Variants in DOCK8 observed in about 807,000 individuals in gnomAD.
The protein encoded by DOCK8 is dedicator of cytokinesis protein 8.
Under a neutral mutation model 245.6 loss-of-function variants are expected in DOCK8, and 141 were observed. That is an observed-to-expected ratio of 0.57 (90% confidence interval 0.50 to 0.66). DOCK8 has a LOEUF of 0.66. DOCK8 is among the 30% of genes least tolerant of loss of function. The pLI, the probability that DOCK8 is intolerant of heterozygous loss-of-function variation, is 0.00. For synonymous variants in DOCK8, 1,168 were observed against 970.2 expected (o/e 1.20, Z -3.79); for missense variants, 2,965 against 2,603.4 (o/e 1.14, Z -3.02).
intron 1 of DOCK8, among the ~76,000 whole-genome samples, chr9:239,225 G>A (rs931393929): frequency 6.6e-5 from 10 of 152,116 alleles, no homozygotes; most frequent in African/African-American, 1.9e-4. Flanking sequence ...GCACACACAC[G>A]TGCATGCACA....
At position 429,869 on chromosome 9, in the gene DOCK8, C is replaced by G; in HGVS notation, c.4626+15C>G. On this transcript the variant is annotated intron_variant, in intron 36 of 47. Transcript: ENST00000432829. ...GAGCCACCAGTGTAAGAGTTCAAAC[C>G]AGCTGAGTGACCTGGAATCAGTAGA... 1 of 1,613,748 alleles carries G rather than the reference C, an allele frequency of 6.2e-7. No individual in the cohort carries two copies.
intron 1 of DOCK8, among the ~76,000 whole-genome samples, chr9:258,983 C>T (rs1201778830): frequency 6.9e-6 from 1 of 144,216 alleles, no homozygotes; most frequent in African/African-American, 2.5e-5. Flanking sequence ...ATGGTAACCA[C>T]AGCACAAACA....
chr9:415,706 A>T (rs961309065), intron 29 of DOCK8, among the ~76,000 whole-genome samples: 1 of 152,092 alleles, frequency 6.6e-6, no homozygotes, highest in Non-Finnish European at 1.5e-5. Context: ...ACACACACAC[A>T]CACAATTCCT....
At chr9:225,810 G>A (rs2046977269) in intron 1 of DOCK8, among the ~76,000 whole-genome samples, 1 of 152,112 alleles carries the variant, frequency 6.6e-6, no homozygotes, top group Non-Finnish European at 1.5e-5. Flanking sequence ...GATGGTCAAG[G>A]AAAGCATCTC....
At chr9:428,024 A>G (rs1587005280) in intron 34 of DOCK8, among the ~76,000 whole-genome samples, 2 of 152,212 alleles carry the variant, frequency 1.3e-5, no homozygotes, top group African/African-American at 2.4e-5. Context: ...GAAGCCCACA[A>G]TTGTGTTTTG....
chr9:330,116 T>C (rs1335917768), intron 9 of DOCK8, among the ~76,000 whole-genome samples: 12 of 152,228 alleles, frequency 7.9e-5, no homozygotes, highest in Non-Finnish European at 1.5e-5. Flanking sequence ...GTATTTTAGG[T>C]AGCATCATCT....
chr9:429,233 C>A (rs1194664006), intron 35 of DOCK8, among the ~76,000 whole-genome samples: 1 of 152,258 alleles, frequency 6.6e-6, no homozygotes, highest in Non-Finnish European at 1.5e-5. Flanking sequence ...TCCCAAAGCA[C>A]TGGGATTACA....
At chr9:327,883 C>T (rs1460317548) in intron 8 of DOCK8, 139 bp from the exon 9 acceptor site, 2 of 790,586 alleles carry the variant, frequency 2.5e-6, no homozygotes, top group African/African-American at 3.4e-5. Context: ...CCAGGAGCCA[C>T]TTTCCTAAAC....
chr9:285,546 C>T (rs1332626971), intron 2 of DOCK8, among the ~76,000 whole-genome samples: 2 of 152,128 alleles, frequency 1.3e-5, no homozygotes, highest in African/African-American at 4.8e-5. Context: ...ATTAATATGA[C>T]ACAAATCTAC....
chr9:388,649 G>C (rs1323069549), intron 23 of DOCK8, among the ~76,000 whole-genome samples: 1 of 151,746 alleles, frequency 6.6e-6, no homozygotes, highest in Non-Finnish European at 1.5e-5. Context: ...CTGCCTCCCA[G>C]GTTTAAGTGA....
chr9:254,468 TA>T (rs2047723047), intron 1 of DOCK8, among the ~76,000 whole-genome samples: 1 of 152,234 alleles, frequency 6.6e-6, no homozygotes, highest in Non-Finnish European at 1.5e-5. Context: ...ACCTTTCTTT[TA>T]TTTTTCCTGT....
At chr9:390,395 A>G in intron 23 of DOCK8, 76 bp from the exon 24 acceptor site, 1 of 1,363,396 alleles carries the variant, frequency 7.3e-7, no homozygotes. Flanking sequence ...TGGGGGGAAT[A>G]AAAGAAAAGA....
intron 5 of DOCK8, among the ~76,000 whole-genome samples, chr9:306,413 C>G (rs1044107165): frequency 6.6e-6 from 1 of 152,134 alleles, no homozygotes; most frequent in South Asian, 2.1e-4. Context: ...TCCATTTTCA[C>G]CCTACATGCT....
intron 3 of DOCK8, 152 bp downstream of exon 3, chr9:286,788 G>T: frequency 2.5e-6 from 2 of 807,558 alleles, no homozygotes; most frequent in Non-Finnish European, 4.1e-6. Flanking sequence ...ATATCATCAT[G>T]TAAGTATAGA....
At chr9:453,616 G>C (rs913028362) in intron 46 of DOCK8, among the ~76,000 whole-genome samples, 41 of 152,122 alleles carry the variant, frequency 2.7e-4, no homozygotes, top group African/African-American at 9.4e-4. Context: ...TGGTAGAAAT[G>C]GGGTTTCACC....
At chr9:273,722 T>C (rs2048231089) in intron 2 of DOCK8, among the ~76,000 whole-genome samples, 1 of 151,540 alleles carries the variant, frequency 6.6e-6, no homozygotes, top group South Asian at 2.1e-4. Flanking sequence ...AGTTTAGCTC[T>C]TGTCACGCAG....
At chr9:320,104 C>G (rs186199275) in intron 7 of DOCK8, among the ~76,000 whole-genome samples, 3 of 152,252 alleles carry the variant, frequency 2.0e-5, no homozygotes, top group East Asian at 1.9e-4. Context: ...CAAACACTCA[C>G]GGAAAAAGCC....
intron 14 of DOCK8, among the ~76,000 whole-genome samples, chr9:352,572 T>C (rs1462916635): frequency 6.6e-6 from 1 of 151,846 alleles, no homozygotes; most frequent in Non-Finnish European, 1.5e-5. Flanking sequence ...TGAAACCCCA[T>C]CTCTACTAAA....
intron 14 of DOCK8, among the ~76,000 whole-genome samples, chr9:356,107 A>G (rs2052429253): frequency 6.6e-6 from 1 of 152,240 alleles, no homozygotes; most frequent in Non-Finnish European, 1.5e-5. Context: ...AAGAAAAAGT[A>G]AATCCAGATC....
Sources: gnomAD v4.1 joint callset for allele counts (sites outside exome capture counted in the v4.1 genomes callset) on GRCh38, gnomAD v4.1.1 for gene constraint, MANE v1.5 for transcripts, NCBI Gene and HGNC (gene_info 2026-07-23, HGNC 2026-07-21) for gene names.